OSBP2: variants seen among roughly 807,000 people sequenced by gnomAD.
OSBP2 encodes oxysterol binding protein 2.
A neutral mutation model predicts 96.0 loss-of-function variants in OSBP2; 66 were observed. The observed-to-expected ratio is 0.69, with a 90% CI of 0.56 to 0.84. The LOEUF (loss-of-function observed/expected upper bound fraction) is 0.84, where lower values mean the gene tolerates loss of function less well. Among genes scored for constraint, OSBP2 ranks in the 40% least tolerant of loss-of-function variants. The probability of loss-of-function intolerance (pLI) is 0.00; values close to 1 mark genes in which losing one functional copy is unlikely to be tolerated. For missense variants in OSBP2, 1,038 were observed against 1,222.7 expected, an observed-to-expected ratio of 0.85 and a Z score of 2.25; for synonymous variants, 525 against 520.9, an observed-to-expected ratio of 1.01 and a Z score of -0.11.
intron 12 of OSBP2, chr22:30,902,141 A>AAC: frequency 1.0e-5 from 3 of 287,050 alleles, no homozygotes; most frequent in Non-Finnish European, 1.6e-5. Context: ...AAAAAAAACC[A>AAC]AAAAAAAAAA....
At chr22:30,858,984 G>A (rs568592056) in intron 2 of OSBP2, among the ~76,000 whole-genome samples, 5 of 151,780 alleles carry the variant, frequency 3.3e-5, no homozygotes, top group Non-Finnish European at 4.4e-5. Context: ...TACCTCCCAC[G>A]CACCCAGCTC....
At chr22:30,750,850 T>A (rs565565604) in intron 2 of OSBP2, among the ~76,000 whole-genome samples, 1 of 152,346 alleles carries the variant, frequency 6.6e-6, no homozygotes, top group South Asian at 2.1e-4. Flanking sequence ...GTTCGAGCAA[T>A]TCTCCTGCCT....
chr22:30,858,713 T>C (rs1006274720), intron 2 of OSBP2, among the ~76,000 whole-genome samples: 1 of 151,236 alleles, frequency 6.6e-6, no homozygotes, highest in African/African-American at 2.4e-5. Context: ...ACCCCGTCTC[T>C]ACTAAAAATA....
At chr22:30,770,898 A>G (rs147228412) in intron 2 of OSBP2, among the ~76,000 whole-genome samples, 2,019 of 152,340 alleles carry the variant, frequency 0.013, 26 homozygotes, top group Middle Eastern at 0.048. Context: ...AGCTCAGAGC[A>G]GGTACCCTGC....
At chr22:30,807,436 G>A (rs1018118062) in intron 2 of OSBP2, among the ~76,000 whole-genome samples, 13 of 152,262 alleles carry the variant, frequency 8.5e-5, no homozygotes, top group Non-Finnish European at 1.5e-4. Context: ...CCCTATATGC[G>A]CAAGCAGATA....
intron 1 of OSBP2, among the ~76,000 whole-genome samples, chr22:30,740,042 C>T (rs1300577217): frequency 1.3e-5 from 2 of 152,138 alleles, no homozygotes; most frequent in African/African-American, 4.8e-5. Flanking sequence ...GACGGGATTT[C>T]ACCATGTTGG....
chr22:30,777,463 A>G (rs2090452295), intron 2 of OSBP2, among the ~76,000 whole-genome samples: 2 of 152,126 alleles, frequency 1.3e-5, no homozygotes, highest in Non-Finnish European at 2.9e-5. Flanking sequence ...ACCTTCCACC[A>G]TGATTGTGAG....
chr22:30,861,485 G>T (rs2039209944), intron 2 of OSBP2, among the ~76,000 whole-genome samples: 1 of 152,236 alleles, frequency 6.6e-6, no homozygotes, highest in Non-Finnish European at 1.5e-5. Context: ...GAGGCCCCGA[G>T]AACTGAGATG....
intron 2 of OSBP2, among the ~76,000 whole-genome samples, chr22:30,807,755 T>C (rs535358316): frequency 8.5e-5 from 13 of 152,306 alleles, no homozygotes; most frequent in Admixed American, 7.2e-4. Flanking sequence ...CAGAGCACGC[T>C]TGCTCAGTCA....
chr22:30,805,498 A>G (rs1184618354), intron 2 of OSBP2, among the ~76,000 whole-genome samples: 1 of 152,240 alleles, frequency 6.6e-6, no homozygotes, highest in African/African-American at 2.4e-5. Flanking sequence ...TTTAACCTCT[A>G]TAAGCCTCTG....
In OSBP2 at chr22:30,901,108, G is replaced by A. The variant is rs757987800; in HGVS notation, c.2376-4729G>A. Among the ~76,000 whole-genome samples the A allele has an allele frequency of 7.9e-5, 12 of 152,128 alleles. 1 individual carries two copies. Among genetic ancestry groups the A allele is most frequent in the African/African-American group, 1.4e-4 (6 of 41,520 alleles). On this transcript the variant is annotated intron_variant, in intron 12 of 13. Transcript: ENST00000332585. Reference sequence around the variant, plus strand: ...TTTTGAGATGGAGTCTCACTCTGTCGCCCAGCCTGGAGTACAGTGATGTGA... The same window carrying A: ...TTTTGAGATGGAGTCTCACTCTGTCACCCAGCCTGGAGTACAGTGATGTGA...
At chr22:30,772,172 G>A (rs993093613) in intron 2 of OSBP2, among the ~76,000 whole-genome samples, 2 of 152,182 alleles carry the variant, frequency 1.3e-5, no homozygotes. Context: ...TGGAGAGCCT[G>A]GATGGATCCT....
At position 30,875,275 on chromosome 22, in the gene OSBP2, A is replaced by G. The variant is rs1602397914; in HGVS notation, c.1107+4593A>G. ...CTGGCCCAGAACAGCATTTCGTGGC[A>G]TTAAATTGTATGGGCAACCACACTT... On this transcript the variant is annotated intron_variant, in intron 3 of 13. Transcript: ENST00000332585. Among the ~76,000 whole-genome samples the G allele has an allele frequency of 2.0e-5, 3 of 152,076 alleles. No homozygotes were observed. The South Asian group carries it at 6.2e-4, about 32-fold the overall frequency.
In OSBP2 at chr22:30,893,109, G is replaced by A. The variant is rs774240659; in HGVS notation, c.1870-13G>A. 89 of 1,613,386 alleles carry A rather than the reference G, an allele frequency of 5.5e-5. No individual in the cohort carries two copies. Among genetic ancestry groups the A allele is most frequent in the Non-Finnish European group, 7.0e-5 (83 of 1,179,904 alleles). On this transcript the variant is annotated splice_polypyrimidine_tract_variant and intron_variant, in intron 8 of 13. Coordinates refer to ENST00000332585, the MANE Select transcript of OSBP2 (RefSeq NM_030758.4). ...GTCTGGCAGATGCTCACATCCTATGGGTCTGGTCTCAGGTGAGCCACCACC... is the reference window on the plus strand; with the variant it reads ...GTCTGGCAGATGCTCACATCCTATGAGTCTGGTCTCAGGTGAGCCACCACC...
At chr22:30,789,045 C>T (rs1173991065) in intron 2 of OSBP2, among the ~76,000 whole-genome samples, 1 of 152,180 alleles carries the variant, frequency 6.6e-6, no homozygotes, top group Admixed American at 6.6e-5. Flanking sequence ...TTGGAGAAAT[C>T]TACATGTGAT....
At chr22:30,716,190 T>TAATTA (rs2089453170) in intron 1 of OSBP2, among the ~76,000 whole-genome samples, 1 of 150,012 alleles carries the variant, frequency 6.7e-6, no homozygotes, top group Non-Finnish European at 1.5e-5. Context: ...TACAGGTGCC[T>TAATTA]GCCACCACAC....
rs369190097 is a variant in OSBP2 at position 30,905,846 on chromosome 22, G to A, written c.2385G>A (p.Ala795=). The change falls in exon 13 of 14, where the codon GCG becomes GCA. Residue 795 remains alanine (A), a synonymous_variant. Coordinates refer to ENST00000332585, the MANE Select transcript of OSBP2 (RefSeq NM_030758.4). ...ACCACCACCGCCACAGGGAGAACGCGGAGAACATGTACTACTTCTCAGAGC... is the reference window on the plus strand; with the variant it reads ...ACCACCACCGCCACAGGGAGAACGCAGAGAACATGTACTACTTCTCAGAGC... The part of the protein sequence containing the change: ...LWKKYPLPEN[A]ENMYYFSELA... 8.7e-6 allele frequency: 14 copies of A among 1,612,970 alleles called. No individual in the cohort carries two copies. Among genetic ancestry groups the A allele is most frequent in the South Asian group, 3.3e-5 (3 of 91,060 alleles).
At chr22:30,882,931 C>T (rs961046451) in intron 3 of OSBP2, among the ~76,000 whole-genome samples, 8 of 152,234 alleles carry the variant, frequency 5.3e-5, no homozygotes, top group Admixed American at 4.6e-4. Flanking sequence ...CAGGCACCCT[C>T]AGATGTGAGT....
intron 2 of OSBP2, among the ~76,000 whole-genome samples, chr22:30,828,136 G>A (rs560198238): frequency 1.2e-4 from 18 of 152,306 alleles, no homozygotes; most frequent in Admixed American, 1.0e-3. Flanking sequence ...GTGATCTGGG[G>A]GGATTCCTTG....
Sources: allele counts gnomAD v4.1 joint callset (sites outside exome capture counted in the v4.1 genomes callset), GRCh38; gene constraint gnomAD v4.1.1; transcripts MANE v1.5; gene names NCBI Gene and HGNC (gene_info 2026-07-23, HGNC 2026-07-21).